CDH4: variants seen among roughly 807,000 people sequenced by gnomAD.
CDH4 encodes cadherin-4.
In CDH4, 33 loss-of-function variants were observed where a neutral mutation model predicts 86.0. The observed-to-expected ratio is 0.38, with a 90% CI of 0.29 to 0.51. CDH4 has a LOEUF of 0.51. Among genes scored for constraint, CDH4 ranks in the 20% least tolerant of loss-of-function variants. CDH4 has a pLI of 0.86. For missense variants in CDH4, 1,114 were observed against 1,307.4 expected (o/e 0.85, Z 2.28); for synonymous variants, 555 against 549.4 (o/e 1.01, Z -0.14).
chr20:61,552,417 G>A (rs1166347112), intron 2 of CDH4, among the ~76,000 whole-genome samples: 1 of 152,244 alleles, frequency 6.6e-6, no homozygotes, highest in Non-Finnish European at 1.5e-5. Context: ...AACAGTGAGA[G>A]GCCAAGCACA....
At chr20:61,499,620 A>G (rs2085686345) in intron 2 of CDH4, 1 of 827,592 alleles carries the variant, frequency 1.2e-6, no homozygotes, top group Admixed American at 2.8e-5. Context: ...CAGAATTTAG[A>G]CCTCAGCCTG....
chr20:61,647,550 T>TCC (rs2087076320), intron 2 of CDH4, among the ~76,000 whole-genome samples: 1 of 107,832 alleles, frequency 9.3e-6, no homozygotes, highest in Non-Finnish European at 2.1e-5. Flanking sequence ...CCTCTCCCTC[T>TCC]CCCTCTCCCT....
At chr20:61,365,973 T>C (rs1207868151) in intron 2 of CDH4, among the ~76,000 whole-genome samples, 1 of 152,140 alleles carries the variant, frequency 6.6e-6, no homozygotes, top group Non-Finnish European at 1.5e-5. Context: ...AATTTAATGA[T>C]AGTAAATTAC....
At chr20:61,800,413 G>C (rs1465674366) in intron 4 of CDH4, among the ~76,000 whole-genome samples, 1 of 152,250 alleles carries the variant, frequency 6.6e-6, no homozygotes, top group Non-Finnish European at 1.5e-5. Context: ...CCAGCTTCAG[G>C]GCCACTGTCA....
At chr20:61,919,146 C>T (rs569979203) in intron 9 of CDH4, among the ~76,000 whole-genome samples, 6 of 152,346 alleles carry the variant, frequency 3.9e-5, no homozygotes, top group African/African-American at 1.4e-4. Flanking sequence ...GTTGGGATTA[C>T]AGGCATGAGC....
chr20:61,786,177 C>T (rs1978868697), intron 4 of CDH4, among the ~76,000 whole-genome samples: 1 of 152,154 alleles, frequency 6.6e-6, no homozygotes, highest in African/African-American at 2.4e-5. Flanking sequence ...AACAGCGTCT[C>T]CTTCCGCAGC....
In CDH4 at chr20:61,754,624, C is replaced by G. The variant is rs1005869214; in HGVS notation, c.396+10835C>G. ...CACCACACACACGGTGCACGGCACA[C>G]ACACCACACACACACGCCCCACACA... On this transcript the variant is annotated intron_variant, in intron 3 of 15. Transcript: ENST00000614565. This position sits in a 1 kb window ranked among gnomAD's most constrained non-coding sequence, Gnocchi z 4.7. 5.6e-5 allele frequency among the ~76,000 whole-genome samples: 8 copies of G among 142,726 alleles called. No homozygotes were observed. The highest frequency in any genetic ancestry group is 2.5e-4 in the African/African-American group (8 of 32,506). 93.6% of individuals were successfully genotyped at this position (142,726 alleles called of 152,430 possible).
At chr20:61,428,096 G>C (rs116414880) in intron 2 of CDH4, among the ~76,000 whole-genome samples, 113 of 152,268 alleles carry the variant, frequency 7.4e-4, no homozygotes, top group African/African-American at 2.2e-3. Context: ...ACCCCCAGCA[G>C]GAAGCAGCTG....
chr20:61,755,031 G>C (rs942456117), intron 3 of CDH4: 4 of 152,230 alleles, frequency 2.6e-5, no homozygotes, highest in Non-Finnish European at 5.9e-5. Flanking sequence ...TATGGCAGGA[G>C]GCAAAAGGCG....
intron 4 of CDH4, among the ~76,000 whole-genome samples, chr20:61,774,671 C>T (rs1378776266): frequency 1.7e-5 from 2 of 119,866 alleles, no homozygotes; most frequent in African/African-American, 5.9e-5. Context: ...CTGATGCTCT[C>T]CTTCTGCCCC....
intron 4 of CDH4, among the ~76,000 whole-genome samples, chr20:61,828,375 G>C (rs1274186582): frequency 1.3e-5 from 2 of 152,208 alleles, no homozygotes; most frequent in South Asian, 2.1e-4. Flanking sequence ...GGATACAAAA[G>C]AGAGGGAGAC....
In CDH4 at chr20:61,402,793, T is replaced by C. The variant is rs566833528; in HGVS notation, c.169+147856T>C. On this transcript the variant is annotated intron_variant, in intron 2 of 15. Transcript: ENST00000614565. ...CTGACTATCTACATAGCATCTTATCTGAAACAGGTGTTAGGCCAGTTTATA... is the reference window on the plus strand; with the variant it reads ...CTGACTATCTACATAGCATCTTATCCGAAACAGGTGTTAGGCCAGTTTATA... Among the ~76,000 whole-genome samples, 16 of 152,352 alleles carry C rather than the reference T, an allele frequency of 1.1e-4. No homozygotes were observed. The South Asian group carries it at 3.3e-3, about 32-fold the overall frequency.
At chr20:61,284,322 A>AT (rs1256039300) in intron 2 of CDH4, among the ~76,000 whole-genome samples, 1 of 152,116 alleles carries the variant, frequency 6.6e-6, no homozygotes, top group East Asian at 1.9e-4. Flanking sequence ...TCAAAAAAAA[A>AT]ATCTGCTTAG....
At chr20:61,860,616 C>A (rs1475874678) in intron 6 of CDH4, among the ~76,000 whole-genome samples, 2 of 152,110 alleles carry the variant, frequency 1.3e-5, no homozygotes, top group African/African-American at 4.8e-5. Flanking sequence ...AGAAGGGCCC[C>A]AATGCAAGGC....
chr20:61,709,791 C>G lies in CDH4; in HGVS notation c.170-33772C>G, dbSNP rs2087870347. Among the ~76,000 whole-genome samples the G allele has an allele frequency of 6.6e-6, 1 of 152,130 alleles. No individual in the cohort carries two copies. Among genetic ancestry groups the G allele is most frequent in the Non-Finnish European group, 1.5e-5 (1 of 68,026 alleles). On this transcript the variant is annotated intron_variant, in intron 2 of 15. Coordinates refer to ENST00000614565, the MANE Select transcript of CDH4 (RefSeq NM_001794.5). This position sits in a 1 kb window ranked among gnomAD's most constrained non-coding sequence, Gnocchi z 4.8. ...CAGGATGGAGCGGGAGGTAGAGGTTCTTTCTTCTTGTTTTCCCACAGATGG... is the reference window on the plus strand; with the variant it reads ...CAGGATGGAGCGGGAGGTAGAGGTTGTTTCTTCTTGTTTTCCCACAGATGG...
chr20:61,574,754 T>A (rs1349990110), intron 2 of CDH4, among the ~76,000 whole-genome samples: 1 of 152,074 alleles, frequency 6.6e-6, no homozygotes, highest in African/African-American at 2.4e-5. Flanking sequence ...AGGGGCTGGA[T>A]CCTCAGCTCT....
In CDH4 at chr20:61,559,519, C is replaced by CTTTTTTT. The variant is rs1156864328; in HGVS notation, c.170-184031_170-184025dup. Among the ~76,000 whole-genome samples the CTTTTTTT allele has an allele frequency of 8.7e-4, 92 of 105,162 alleles. 6 individuals carry two copies. The highest frequency in any genetic ancestry group is 2.4e-3 in the African/African-American group (58 of 23,742). The allele number at this position is 105,162 out of a possible 152,430, so 69.0% of individuals were successfully genotyped here. On this transcript the variant is annotated intron_variant, in intron 2 of 15. Transcript: ENST00000614565. ...TCTCCTTTCTTTTTAATTTTTTTTT[C>CTTTTTTT]TTTTTTTTTTTTTTTTTTTGACACA... is the stretch of plus-strand genomic sequence containing the variant.
chr20:61,678,565 T>G (rs1171202465), intron 2 of CDH4, among the ~76,000 whole-genome samples: 7 of 152,244 alleles, frequency 4.6e-5, no homozygotes, highest in Non-Finnish European at 1.5e-5. Context: ...CGTGTCAGTT[T>G]CCTGCACTGC....
chr20:61,725,578 T>A (rs1166406771), intron 2 of CDH4, among the ~76,000 whole-genome samples: 2 of 152,186 alleles, frequency 1.3e-5, no homozygotes, highest in Non-Finnish European at 2.9e-5. Context: ...TGGATGAAAC[T>A]GCCACAGGAA....
Sources: allele counts gnomAD v4.1 joint callset (sites outside exome capture counted in the v4.1 genomes callset), GRCh38; gene constraint gnomAD v4.1.1; non-coding constraint Gnocchi (gnomAD v3.1); transcripts MANE v1.5; gene names NCBI Gene and HGNC (gene_info 2026-07-23, HGNC 2026-07-21).